BUB1B: variants seen among roughly 807,000 people sequenced by gnomAD.
BUB1B encodes BUB1 mitotic checkpoint serine/threonine kinase B, also known as mitotic checkpoint serine/threonine-protein kinase BUB1 beta.
BUB1B carries 86 observed loss-of-function variants against 137.7 expected under a neutral mutation model. The ratio of observed to expected loss-of-function variants is 0.62; its 90% CI spans 0.52 to 0.75. The LOEUF is 0.75. BUB1B is among the 30% of genes least tolerant of loss of function. The pLI, the probability that BUB1B is intolerant of heterozygous loss-of-function variation, is 0.00. For synonymous variants in BUB1B, 420 were observed against 417.9 expected (o/e 1.00, Z -0.06); for missense variants, 1,130 against 1,236.9 (o/e 0.91, Z 1.30).
intron 4 of BUB1B, among the ~76,000 whole-genome samples, chr15:40,173,092 A>G (rs140470225): frequency 0.012 from 1,900 of 152,240 alleles, 45 homozygotes; most frequent in African/African-American, 0.043. Flanking sequence ...CCTGGCCAAC[A>G]TGGTGAAACC....
chr15:40,220,680 C>G lies in BUB1B; in HGVS notation c.3074C>G (p.Thr1025Ser). 6.2e-7 allele frequency: 1 copy of G among 1,614,180 alleles called. No homozygotes were observed. Among genetic ancestry groups the G allele is most frequent in the East Asian group, 2.2e-5 (1 of 44,888 alleles). ...LAAEMNGVFD[T>S]TFQSHLNKAL... ...GCAGAAATGAATGGGGTTTTTGACACTACATTCCAAAGTCACCTGAACAAA... is the reference window on the plus strand; with the variant it reads ...GCAGAAATGAATGGGGTTTTTGACAGTACATTCCAAAGTCACCTGAACAAA... The change falls in exon 23 of 23, where the codon ACT becomes AGT. Residue 1025 changes from threonine to serine, a missense_variant. Transcript: ENST00000287598.
At chr15:40,183,634 T>C (rs1474293431) in intron 5 of BUB1B, 80 bp from the exon 6 acceptor site, 5 of 1,352,640 alleles carry the variant, frequency 3.7e-6, no homozygotes, top group Non-Finnish European at 5.3e-6. Context: ...TTCTAATTTG[T>C]TTACTTTAAC....
intron 3 of BUB1B, 104 bp from the exon 4 acceptor site, chr15:40,170,433 A>G: frequency 1.4e-6 from 2 of 1,382,508 alleles, no homozygotes; most frequent in East Asian, 4.7e-5. Flanking sequence ...GGACCTCAAA[A>G]GAAACATACT....
chr15:40,199,315 C>G (rs984130039), intron 9 of BUB1B, among the ~76,000 whole-genome samples: 9 of 152,192 alleles, frequency 5.9e-5, no homozygotes, highest in Non-Finnish European at 1.3e-4. Flanking sequence ...TATCACATAA[C>G]CAAGGACTTT....
Position 40,183,697 on chromosome 15 carries a change from G to A in BUB1B, c.582-17G>A. On this transcript the variant is annotated splice_polypyrimidine_tract_variant and intron_variant, in intron 5 of 22. Coordinates refer to ENST00000287598, the MANE Select transcript of BUB1B (RefSeq NM_001211.6). The stretch of plus-strand genomic sequence containing the variant: ...TAGTGGTCACCTCACTAAAAGTTGT[G>A]CATTCTGCTACTTTAGACAATTCCA... The A allele has an allele frequency of 6.2e-7, 1 of 1,613,660 alleles. No individual in the cohort carries two copies. The highest frequency in any genetic ancestry group is 8.5e-7 in the Non-Finnish European group (1 of 1,179,654).
intron 8 of BUB1B, among the ~76,000 whole-genome samples, chr15:40,191,267 A>T (rs2037433803): frequency 6.6e-6 from 1 of 152,230 alleles, no homozygotes; most frequent in South Asian, 2.1e-4. Flanking sequence ...TTGACCATAG[A>T]TAACTGAAAC....
In BUB1B at chr15:40,217,616, A is replaced by T; in HGVS notation, c.2799A>T (p.Val933=). Residue 933 remains valine (V), a synonymous_variant, in exon 21 of 23, where the codon GTA becomes GTT. Coordinates refer to ENST00000287598, the MANE Select transcript of BUB1B (RefSeq NM_001211.6). ...DVFTLSGFRT[V]QILEGQKILA... ...TTACCCTCAGCGGCTTTCGGACTGT[A>T]CAGATCCTGGAAGGACAAAAGATCC... The T allele has an allele frequency of 6.2e-7, 1 of 1,614,230 alleles. No individual in the cohort carries two copies. Among genetic ancestry groups the T allele is most frequent in the Non-Finnish European group, 8.5e-7 (1 of 1,180,042 alleles).
intron 1 of BUB1B, among the ~76,000 whole-genome samples, chr15:40,164,712 A>G (rs1462948490): frequency 6.9e-6 from 1 of 144,960 alleles, no homozygotes; most frequent in Non-Finnish European, 1.5e-5. Context: ...TATGTTGCCC[A>G]GGCTGGTATC....
intron 1 of BUB1B, among the ~76,000 whole-genome samples, chr15:40,163,355 C>T (rs1299870691): frequency 2.0e-5 from 3 of 152,230 alleles, no homozygotes; most frequent in African/African-American, 7.2e-5. Context: ...AACAGGATTG[C>T]TTAAGCTCAG....
At chr15:40,198,028 C>G (rs768402478) in intron 9 of BUB1B, among the ~76,000 whole-genome samples, 4 of 151,966 alleles carry the variant, frequency 2.6e-5, no homozygotes, top group Non-Finnish European at 5.9e-5. Flanking sequence ...ATTTTAGGGC[C>G]AGGCACAGTG....
At chr15:40,182,761 C>A (rs913557759) in intron 5 of BUB1B, among the ~76,000 whole-genome samples, 22 of 152,286 alleles carry the variant, frequency 1.4e-4, no homozygotes, top group African/African-American at 5.1e-4. Context: ...TCCTCTTTTC[C>A]CAGTCCTCAG....
rs1245781079 is a variant in BUB1B, at chr15:40,216,599, G to C, written c.2679-897G>C. Among the ~76,000 whole-genome samples, 4 of 115,486 alleles carry C rather than the reference G, an allele frequency of 3.5e-5. No homozygotes were observed. The East Asian group carries it at 1.0e-3, about 30-fold the overall frequency. 75.8% of individuals were successfully genotyped at this position (115,486 alleles called of 152,430 possible). On this transcript the variant is annotated intron_variant, in intron 20 of 22. Transcript: ENST00000287598. Reference sequence around the variant, plus strand: ...TTTTTTTTTTTTTAATTATAGTATAGTTTTATGGTGGCCAAAAAAGGTTGG... The same window carrying C: ...TTTTTTTTTTTTTAATTATAGTATACTTTTATGGTGGCCAAAAAAGGTTGG...
intron 4 of BUB1B, among the ~76,000 whole-genome samples, chr15:40,171,208 A>AT (rs2140882183): frequency 6.6e-6 from 1 of 152,040 alleles, no homozygotes; most frequent in South Asian, 2.1e-4. Flanking sequence ...AAGTGCTGGG[A>AT]TTATAGGCGT....
Position 40,180,654 on chromosome 15 carries a change from T to G in BUB1B, c.582-3060T>G, listed in dbSNP as rs796698808. Among the ~76,000 whole-genome samples the G allele has an allele frequency of 1.5e-5, 2 of 130,518 alleles. 1 individual carries two copies. The highest frequency in any genetic ancestry group is 5.2e-4 in the South Asian group (2 of 3,840). 85.6% of individuals were successfully genotyped at this position (130,518 alleles called of 152,430 possible). A position where few individuals can be genotyped will look rare whatever the true frequency, so the allele number is the denominator to read the frequency against. On this transcript the variant is annotated intron_variant, in intron 5 of 22. Transcript: ENST00000287598. ...CTTTTTTCTTTTTCTTTTTTTTTTTTTTTTTTTTTTTTTGAGACGGAGTCT... is the reference window on the plus strand; with the variant it reads ...CTTTTTTCTTTTTCTTTTTTTTTTTGTTTTTTTTTTTTTGAGACGGAGTCT...
intron 20 of BUB1B, among the ~76,000 whole-genome samples, chr15:40,216,309 A>G (rs1358047430): frequency 5.3e-5 from 8 of 151,704 alleles, no homozygotes; most frequent in Non-Finnish European, 1.0e-4. Flanking sequence ...ATGGTGGCAC[A>G]CACCAGTAGT....
At chr15:40,180,651 T>C (rs923752352) in intron 5 of BUB1B, among the ~76,000 whole-genome samples, 16 of 123,694 alleles carry the variant, frequency 1.3e-4, no homozygotes, top group South Asian at 2.7e-4. Flanking sequence ...TCTTTTTTTT[T>C]TTTTTTTTTT....
rs1367365754 is a variant in BUB1B at position 40,200,377 on chromosome 15, G to T, written c.1517+18G>T. On this transcript the variant is annotated intron_variant, in intron 11 of 22. Transcript: ENST00000287598. ...TGTGCCAGGTAAGACTACATAGGTG[G>T]AAGGGACAATGCATATAGGAGGGCA... The T allele has an allele frequency of 6.3e-7, 1 of 1,593,542 alleles. No homozygotes were observed. Among genetic ancestry groups the T allele is most frequent in the Admixed American group, 1.7e-5 (1 of 59,914 alleles).
chr15:40,163,488 A>C (rs1353798598), intron 1 of BUB1B, among the ~76,000 whole-genome samples: 1 of 152,242 alleles, frequency 6.6e-6, no homozygotes, highest in East Asian at 1.9e-4. Flanking sequence ...AGTGCCCAGC[A>C]TGCCCACTAT....
At chr15:40,211,401 T>G (rs1338281067) in intron 18 of BUB1B, among the ~76,000 whole-genome samples, 3 of 152,140 alleles carry the variant, frequency 2.0e-5, no homozygotes, top group Non-Finnish European at 2.9e-5. Flanking sequence ...GCTGTGGACC[T>G]CAATGTAGGA....
Sources: allele counts gnomAD v4.1 joint callset (sites outside exome capture counted in the v4.1 genomes callset), GRCh38; gene constraint gnomAD v4.1.1; transcripts MANE v1.5; gene names NCBI Gene and HGNC (gene_info 2026-07-23, HGNC 2026-07-21).